Variants in VAMP4 observed in about 807,000 individuals in gnomAD.
VAMP4 encodes the protein vesicle associated membrane protein 4.
VAMP4 carries 19 observed loss-of-function variants against 23.5 expected under a neutral mutation model. That is an observed-to-expected ratio of 0.81 (90% CI 0.56 to 1.19). The LOEUF (loss-of-function observed/expected upper bound fraction) is 1.19. VAMP4 is among the 50% of genes most tolerant of loss of function. The pLI, the probability that VAMP4 is intolerant of heterozygous loss-of-function variation, is 0.00. For synonymous variants in VAMP4, 31 were observed against 51.0 expected (o/e 0.61, Z 1.67); for missense variants, 145 against 168.6 (o/e 0.86, Z 0.78).
rs78195482 is a variant in VAMP4, at chr1:171,734,392, G to A, written c.66+3957C>T. 7.0e-4 allele frequency among the ~76,000 whole-genome samples: 107 copies of A among 151,810 alleles called. No individual in the cohort carries two copies. In the East Asian group the frequency reaches 0.019, roughly 27 times the overall value. ...TATATGTTATATGATTCCATTTACA[G>A]AAAACGTCCAGAATAGACAAATCTA... is the stretch of plus-strand genomic sequence containing the variant. On this transcript the variant is annotated intron_variant, in intron 2 of 7. Coordinates refer to ENST00000236192, the MANE Select transcript of VAMP4 (RefSeq NM_003762.5).
At chr1:171,739,655 G>C (rs1386250674) in intron 1 of VAMP4, among the ~76,000 whole-genome samples, 1 of 152,282 alleles carries the variant, frequency 6.6e-6, no homozygotes, top group East Asian at 1.9e-4. Flanking sequence ...GCTATCTCTA[G>C]GTATACAGTA....
chr1:171,708,927 T>C (rs1162896884), intron 6 of VAMP4, among the ~76,000 whole-genome samples: 1 of 110,222 alleles, frequency 9.1e-6, no homozygotes, highest in Non-Finnish European at 2.0e-5. Context: ...AAATTGAAAA[T>C]GAGAGACTAA....
At chr1:171,717,835 T>C (rs1288533352) in intron 4 of VAMP4, among the ~76,000 whole-genome samples, 3 of 152,150 alleles carry the variant, frequency 2.0e-5, no homozygotes, top group Admixed American at 1.3e-4. Context: ...AAGTAATAAA[T>C]TGCATCTAAA....
intron 3 of VAMP4, among the ~76,000 whole-genome samples, chr1:171,726,714 G>T (rs1329086384): frequency 6.6e-6 from 1 of 151,928 alleles, no homozygotes; most frequent in Admixed American, 6.6e-5. Context: ...ACTCCTAGAA[G>T]AAAGTACAGG....
intron 4 of VAMP4, among the ~76,000 whole-genome samples, chr1:171,713,253 T>C (rs1400785613): frequency 1.3e-5 from 2 of 151,674 alleles, no homozygotes; most frequent in Non-Finnish European, 2.9e-5. Context: ...GCAAAGCTAC[T>C]GTTCATCAAG....
intron 1 of VAMP4, 21 bp downstream of exon 1, chr1:171,741,889 C>A (rs1366716999): frequency 2.3e-5 from 3 of 133,076 alleles, no homozygotes; most frequent in Non-Finnish European, 5.1e-5. Context: ...CCTCCCGCTG[C>A]GAACAGGCCA....
intron 3 of VAMP4, among the ~76,000 whole-genome samples, chr1:171,727,550 GA>G (rs1405661216): frequency 3.9e-5 from 6 of 152,144 alleles, no homozygotes. Flanking sequence ...AACCACTTTG[GA>G]AAACAATTGT....
chr1:171,736,283 A>T (rs558357396), intron 2 of VAMP4, among the ~76,000 whole-genome samples: 2 of 152,342 alleles, frequency 1.3e-5, no homozygotes, highest in African/African-American at 4.8e-5. Flanking sequence ...TTATCTTGAA[A>T]GATATTACAT....
intron 2 of VAMP4, 99 bp downstream of exon 2, chr1:171,738,250 G>T: frequency 1.4e-6 from 2 of 1,389,686 alleles, no homozygotes; most frequent in South Asian, 1.3e-5. Context: ...TTGCAGGCAT[G>T]AGCAACCACG....
At position 171,702,883 on chromosome 1, in the gene VAMP4, C is replaced by CTTCT. The variant is rs1391181886; in HGVS notation, c.*1619_*1622dup. On this transcript the variant is annotated 3_prime_UTR_variant, in exon 8 of 8. Coordinates refer to ENST00000236192, the MANE Select transcript of VAMP4 (RefSeq NM_003762.5). ...TAAAATTTAGTAATTCTATTTAGAT[C>CTTCT]TTCTTAGATAACTTGCAGGTGTCTT... The CTTCT allele has an allele frequency of 1.3e-5, 2 of 151,898 alleles. No homozygotes were observed. The highest frequency in any genetic ancestry group is 6.6e-5 in the Admixed American group (1 of 15,230). 9.4% of individuals were successfully genotyped at this position (151,898 alleles called of 1,614,324 possible).
At chr1:171,704,614 GT>G in intron 7 of VAMP4, 80 bp from the exon 8 acceptor site, 1 of 1,098,600 alleles carries the variant, frequency 9.1e-7, no homozygotes, top group Non-Finnish European at 1.3e-6. Context: ...CCTAAATGTA[GT>G]TGTGTCTACT....
Position 171,706,396 on chromosome 1 carries a change from A to T in VAMP4, c.368T>A (p.Val123Asp), listed in dbSNP as rs757791904. Residue 123 changes from valine (V) to aspartate (D), a missense_variant, in exon 7 of 8, where the codon GTT (valine) becomes GAT (aspartate). Transcript: ENST00000236192. ...GCKIKAIMALVAAILLLVIII... is the reference protein window; with the variant it reads ...GCKIKAIMALDAAILLLVIII... ...AATCACTAGCAAAAGGATAGCAGCA[A>T]CCAAAGCCATGATGGCTTTTATCTA... The T allele has an allele frequency of 6.2e-7, 1 of 1,609,832 alleles. No individual in the cohort carries two copies. The highest frequency in any genetic ancestry group is 1.1e-5 in the South Asian group (1 of 90,320).
intron 6 of VAMP4, among the ~76,000 whole-genome samples, chr1:171,707,954 T>C (rs1051902068): frequency 6.6e-6 from 1 of 152,104 alleles, no homozygotes; most frequent in African/African-American, 2.4e-5. Flanking sequence ...GAGTGGCTCA[T>C]GGACTTTTTG....
chr1:171,708,366 A>T (rs1654732669), intron 6 of VAMP4, among the ~76,000 whole-genome samples: 1 of 151,102 alleles, frequency 6.6e-6, no homozygotes, highest in Non-Finnish European at 1.5e-5. Context: ...ACTTTAAAGA[A>T]AATAAATTTA....
intron 3 of VAMP4, among the ~76,000 whole-genome samples, chr1:171,721,920 G>T (rs1237064507): frequency 2.6e-5 from 4 of 152,008 alleles, no homozygotes; most frequent in Non-Finnish European, 5.9e-5. Flanking sequence ...AGTTCATATG[G>T]AACCAAAAAA....
intron 2 of VAMP4, among the ~76,000 whole-genome samples, chr1:171,730,868 A>G (rs1388123515): frequency 1.3e-5 from 2 of 152,202 alleles, no homozygotes; most frequent in Non-Finnish European, 2.9e-5. Context: ...CACTATATCT[A>G]TGTATAATAT....
At chr1:171,725,714 G>A (rs1430181924) in intron 3 of VAMP4, among the ~76,000 whole-genome samples, 4 of 149,932 alleles carry the variant, frequency 2.7e-5, no homozygotes, top group Non-Finnish European at 5.9e-5. Context: ...TTTTTTAGAT[G>A]GAGTCTTTCT....
chr1:171,706,220 A>G (rs1012949366), intron 7 of VAMP4, 147 bp downstream of exon 7: 87 of 599,280 alleles, frequency 1.5e-4, no homozygotes, highest in Admixed American at 3.3e-4. Flanking sequence ...TCAGAGATCA[A>G]TAGATTCTAA....
intron 6 of VAMP4, among the ~76,000 whole-genome samples, chr1:171,707,901 G>A (rs1654708102): frequency 6.6e-6 from 1 of 152,054 alleles, no homozygotes; most frequent in African/African-American, 2.4e-5. Flanking sequence ...ATCTTTTTGT[G>A]GATACATGAA....
Sources: gnomAD v4.1 joint callset for allele counts (sites outside exome capture counted in the v4.1 genomes callset) on GRCh38, gnomAD v4.1.1 for gene constraint, MANE v1.5 for transcripts, NCBI Gene and HGNC (gene_info 2026-07-23, HGNC 2026-07-21) for gene names.